The following ATF7IP2 variants were observed in gnomAD, a reference collection of about 807,000 sequenced individuals.
ATF7IP2 encodes activating transcription factor 7-interacting protein 2.
ATF7IP2 carries 42 observed loss-of-function variants against 64.2 expected under a neutral mutation model. That is an observed-to-expected ratio of 0.65 (90% confidence interval 0.51 to 0.85). The LOEUF is 0.85. Among genes scored for constraint, ATF7IP2 ranks in the 40% least tolerant of loss-of-function variants. The probability of loss-of-function intolerance (pLI) is 0.00; values close to 1 mark genes in which losing one functional copy is unlikely to be tolerated. For synonymous variants in ATF7IP2, 308 were observed against 272.8 expected, an observed-to-expected ratio of 1.13 and a Z score of -1.27; for missense variants, 933 against 784.2, an observed-to-expected ratio of 1.19 and a Z score of -2.27.
intron 12 of ATF7IP2, among the ~76,000 whole-genome samples, chr16:10,475,430 G>A (rs1341126452): frequency 2.0e-5 from 3 of 152,068 alleles, no homozygotes; most frequent in East Asian, 1.9e-4. Context: ...GGTGGCTCAC[G>A]CCTGTAATCC....
chr16:10,430,646 G>T lies in ATF7IP2; in HGVS notation c.26G>T (p.Arg9Leu). The change falls in exon 5 of 14, where the codon CGG (arginine) becomes CTG (leucine). Residue 9 changes from arginine to leucine, a missense_variant. Arg to Leu is a moderately radical substitution (Grantham distance 102). Coordinates refer to ENST00000562102, the MANE Select transcript of ATF7IP2 (RefSeq NM_001393719.1). The stretch of plus-strand genomic sequence containing the variant: ...ATGGCAAGTCCAGATAGAAGTAAAC[G>T]GAAGATATTAAAAGCCAAAAAGACA... Reference protein sequence around the residue: MASPDRSKRKILKAKKTMP... With the variant: MASPDRSKLKILKAKKTMP... 6.2e-7 allele frequency: 1 copy of T among 1,613,342 alleles called. No homozygotes were observed. The highest frequency in any genetic ancestry group is 2.2e-5 in the East Asian group (1 of 44,842).
intron 8 of ATF7IP2, among the ~76,000 whole-genome samples, chr16:10,440,715 C>A (rs150461875): frequency 5.6e-4 from 85 of 152,264 alleles, no homozygotes; most frequent in African/African-American, 2.0e-3. Context: ...CCCATTTTAT[C>A]ATGAAAAGTA....
chr16:10,401,641 CTTTTTTTTCCCTCT>C (rs1567427470), intron 1 of ATF7IP2, among the ~76,000 whole-genome samples: 3 of 151,708 alleles, frequency 2.0e-5, no homozygotes, highest in Admixed American at 6.6e-5. Flanking sequence ...GAATTCCCTC[CTTTTTTTTCCCTCT>C]TTTTTTTGAA....
At chr16:10,412,131 C>T (rs1420314902) in intron 1 of ATF7IP2, among the ~76,000 whole-genome samples, 1 of 143,208 alleles carries the variant, frequency 7.0e-6, no homozygotes. Context: ...CCCATTAACT[C>T]ATCTCATTTA....
chr16:10,406,317 G>A (rs1233212764), intron 1 of ATF7IP2, among the ~76,000 whole-genome samples: 2 of 151,992 alleles, frequency 1.3e-5, no homozygotes, highest in Non-Finnish European at 2.9e-5. Context: ...CGTTGCTTGG[G>A]CTGGTCTTGA....
intron 9 of ATF7IP2, among the ~76,000 whole-genome samples, chr16:10,459,100 G>A (rs371721030): frequency 2.2e-4 from 34 of 152,178 alleles, no homozygotes; most frequent in South Asian, 6.2e-4. Context: ...TTGGGAGGCC[G>A]AGGCGGGCAG....
At chr16:10,405,226 C>T (rs1596447369) in intron 1 of ATF7IP2, among the ~76,000 whole-genome samples, 1 of 151,838 alleles carries the variant, frequency 6.6e-6, no homozygotes, top group Non-Finnish European at 1.5e-5. Context: ...AAAAAATTAG[C>T]CGAGTCTGGT....
At chr16:10,424,872 C>T (rs754466973) in intron 3 of ATF7IP2, among the ~76,000 whole-genome samples, 7 of 152,100 alleles carry the variant, frequency 4.6e-5, no homozygotes, top group Non-Finnish European at 8.8e-5. Context: ...TTGGAACTCT[C>T]ATCCACTGCT....
At chr16:10,474,556 A>G (rs2049934177) in intron 12 of ATF7IP2, among the ~76,000 whole-genome samples, 1 of 152,204 alleles carries the variant, frequency 6.6e-6, no homozygotes, top group Non-Finnish European at 1.5e-5. Context: ...GTAGACAGAG[A>G]GTGACAACAG....
intron 2 of ATF7IP2, among the ~76,000 whole-genome samples, chr16:10,416,630 T>C (rs1410668589): frequency 2.6e-5 from 4 of 152,040 alleles, no homozygotes; most frequent in South Asian, 4.1e-4. Flanking sequence ...GCCTCTCTAC[T>C]AAAAAACACA....
At chr16:10,404,062 C>T (rs2047586496) in intron 1 of ATF7IP2, among the ~76,000 whole-genome samples, 1 of 152,136 alleles carries the variant, frequency 6.6e-6, no homozygotes, top group South Asian at 2.1e-4. Flanking sequence ...AAGATTCAGA[C>T]ATCTTAGATA....
intron 1 of ATF7IP2, among the ~76,000 whole-genome samples, chr16:10,413,662 G>T (rs2047815568): frequency 6.6e-6 from 1 of 152,070 alleles, no homozygotes; most frequent in Non-Finnish European, 1.5e-5. Flanking sequence ...GTTCTGTTTT[G>T]ATGTGTTTCC....
intron 7 of ATF7IP2, 66 bp downstream of exon 7, chr16:10,438,301 G>T: frequency 1.3e-6 from 2 of 1,491,918 alleles, no homozygotes; most frequent in Non-Finnish European, 1.8e-6. Flanking sequence ...TGTTGCTCAG[G>T]CTGCAGTACG....
chr16:10,398,437 G>A (rs1389933684), intron 1 of ATF7IP2, among the ~76,000 whole-genome samples: 1 of 152,064 alleles, frequency 6.6e-6, no homozygotes, highest in Non-Finnish European at 1.5e-5. Flanking sequence ...TTAAAAATAT[G>A]CCTATGATCC....
chr16:10,456,299 C>T (rs1461568078), intron 8 of ATF7IP2, among the ~76,000 whole-genome samples: 2 of 152,184 alleles, frequency 1.3e-5, no homozygotes, highest in Non-Finnish European at 2.9e-5. Flanking sequence ...GCAGAAGACT[C>T]TAAGAGGCTC....
chr16:10,459,712 C>G (rs984413233), intron 9 of ATF7IP2, among the ~76,000 whole-genome samples: 1 of 152,118 alleles, frequency 6.6e-6, no homozygotes, highest in Non-Finnish European at 1.5e-5. Flanking sequence ...TCACAACTCA[C>G]TATAGATGCA....
intron 6 of ATF7IP2, among the ~76,000 whole-genome samples, 160 bp downstream of exon 6, chr16:10,433,809 C>T (rs1340923181): frequency 6.6e-6 from 1 of 152,168 alleles, no homozygotes; most frequent in African/African-American, 2.4e-5. Context: ...GGAGAGATAA[C>T]TACTTACATT....
intron 1 of ATF7IP2, among the ~76,000 whole-genome samples, chr16:10,398,314 A>AT (rs569698353): frequency 0.11 from 16,358 of 151,104 alleles, 1,104 homozygotes; most frequent in African/African-American, 0.17. Context: ...AAAAAAAAAA[A>AT]AATAATAATA....
At chr16:10,391,729 C>T (rs928245230) in intron 1 of ATF7IP2, among the ~76,000 whole-genome samples, 1 of 152,000 alleles carries the variant, frequency 6.6e-6, no homozygotes, top group Non-Finnish European at 1.5e-5. Context: ...GAAACACTAT[C>T]TCTACTAAAA....
Sources: allele counts gnomAD v4.1 joint callset (sites outside exome capture counted in the v4.1 genomes callset), GRCh38; gene constraint gnomAD v4.1.1; transcripts MANE v1.5; gene names NCBI Gene and HGNC (gene_info 2026-07-23, HGNC 2026-07-21).